Variants in FREM2 observed in about 807,000 individuals in gnomAD.
The protein encoded by FREM2 is FRAS1-related extracellular matrix protein 2.
A neutral mutation model predicts 219.9 loss-of-function variants in FREM2; 119 were observed. The ratio of observed to expected loss-of-function variants is 0.54; its 90% confidence interval spans 0.47 to 0.63. The LOEUF (loss-of-function observed/expected upper bound fraction) is 0.63, where lower values mean the gene tolerates loss of function less well. Among genes scored for constraint, FREM2 ranks in the 30% least tolerant of loss-of-function variants. The pLI is 0.00. For synonymous variants in FREM2, 1,562 were observed against 1,522.8 expected (o/e 1.03, Z -0.60); for missense variants, 4,030 against 3,993.6 (o/e 1.01, Z -0.25).
chr13:38,698,697 G>A (rs920713055), intron 2 of FREM2, among the ~76,000 whole-genome samples: 7 of 152,136 alleles, frequency 4.6e-5, no homozygotes, highest in Admixed American at 2.6e-4. Context: ...TCCTTATGAT[G>A]CTTTTTAAAA....
Position 38,878,334 on chromosome 13 carries a change from A to C in FREM2, c.8859+13A>C, listed in dbSNP as rs771488647. On this transcript the variant is annotated intron_variant, in intron 22 of 23. Coordinates refer to ENST00000280481, the MANE Select transcript of FREM2 (RefSeq NM_207361.6). ...ATTTAAAATTGTGGTAAGTGCTTTGACCCAAAAAATGAGCTAGATAGATTT... is the reference window on the plus strand; with the variant it reads ...ATTTAAAATTGTGGTAAGTGCTTTGCCCCAAAAAATGAGCTAGATAGATTT... 1 of 1,601,444 alleles carries C rather than the reference A, an allele frequency of 6.2e-7. No individual in the cohort carries two copies. Among genetic ancestry groups the C allele is most frequent in the Admixed American group, 1.7e-5 (1 of 58,990 alleles).
chr13:38,764,233 A>G, intron 2 of FREM2, 71 bp from the exon 3 acceptor site: 1 of 1,063,534 alleles, frequency 9.4e-7, no homozygotes, highest in Non-Finnish European at 1.5e-6. Flanking sequence ...TCATTAAAGT[A>G]ATCTGTGGAA....
intron 2 of FREM2, among the ~76,000 whole-genome samples, chr13:38,721,338 C>A (rs1228349879): frequency 6.6e-6 from 1 of 152,032 alleles, no homozygotes; most frequent in East Asian, 1.9e-4. Context: ...TAGTAGAGAA[C>A]ATAGGTAGGG....
At position 38,764,392 on chromosome 13, in the gene FREM2, C is replaced by A; in HGVS notation, c.5352C>A (p.Ser1784=). The A allele has an allele frequency of 1.2e-6, 2 of 1,602,092 alleles. No homozygotes were observed. Among genetic ancestry groups the A allele is most frequent in the Non-Finnish European group, 1.7e-6 (2 of 1,169,770 alleles). Reference sequence around the variant, plus strand: ...AATATTACCTGGTCAATGAGGACTCCAAATTTCTAGATGTTGTTCTTAAAC... The same window carrying A: ...AATATTACCTGGTCAATGAGGACTCAAAATTTCTAGATGTTGTTCTTAAAC... ...EKEYYLVNED[S]KFLDVVLKRR... The change falls in exon 3 of 24, where the codon TCC becomes TCA. Residue 1784 remains serine, a synonymous_variant. Coordinates refer to ENST00000280481, the MANE Select transcript of FREM2 (RefSeq NM_207361.6).
chr13:38,839,381 G>A (rs1876851161), intron 6 of FREM2, among the ~76,000 whole-genome samples: 1 of 152,190 alleles, frequency 6.6e-6, no homozygotes, highest in Non-Finnish European at 1.5e-5. Flanking sequence ...GAGCTCTCCA[G>A]TATGAGGTGT....
chr13:38,749,539 G>C (rs546169169), intron 2 of FREM2, among the ~76,000 whole-genome samples: 4 of 152,160 alleles, frequency 2.6e-5, no homozygotes, highest in African/African-American at 9.7e-5. Context: ...CTCAACCCCA[G>C]TGCTATTGAC....
At chr13:38,852,704 CT>C (rs369947598) in intron 11 of FREM2, among the ~76,000 whole-genome samples, 382 of 131,370 alleles carry the variant, frequency 2.9e-3, no homozygotes, top group African/African-American at 6.8e-3. Flanking sequence ...ATGTCACCAT[CT>C]TTTTTTTTTT....
Position 38,880,723 on chromosome 13 carries a change from G to A in FREM2, c.9446G>A (p.Gly3149Asp), listed in dbSNP as rs751751125. 9 of 1,614,072 alleles carry A rather than the reference G, an allele frequency of 5.6e-6. No homozygotes were observed. The South Asian group carries it at 7.7e-5, about 14-fold the overall frequency. Residue 3149 changes from glycine (G) to aspartate (D), a missense_variant, in exon 24 of 24, where the codon GGC (glycine) becomes GAC (aspartate). Gly to Asp is a moderately conservative substitution (Grantham distance 94). Transcript: ENST00000280481. ...ESFRGKDAPK[G>D]SSSSEPMVPP... is the part of the protein sequence containing the mutation. ...TTCAGGGGGAAGGATGCCCCGAAAGGCTCCAGCAGCAGTGAGCCCATGGTG... is the reference window on the plus strand; with the variant it reads ...TTCAGGGGGAAGGATGCCCCGAAAGACTCCAGCAGCAGTGAGCCCATGGTG...
intron 4 of FREM2, among the ~76,000 whole-genome samples, chr13:38,777,079 A>T (rs1873902644): frequency 6.6e-6 from 1 of 151,716 alleles, no homozygotes; most frequent in African/African-American, 2.4e-5. Context: ...TATACTTTAT[A>T]TACTTTTTCA....
At chr13:38,716,343 C>T (rs1870999973) in intron 2 of FREM2, among the ~76,000 whole-genome samples, 1 of 152,150 alleles carries the variant, frequency 6.6e-6, no homozygotes, top group South Asian at 2.1e-4. Flanking sequence ...AAATTCGAAT[C>T]AGCCTGCATC....
rs144928634 is a variant in FREM2 at position 38,701,670 on chromosome 13, T to C, written c.5263+3883T>C. On this transcript the variant is annotated intron_variant, in intron 2 of 23. Coordinates refer to ENST00000280481, the MANE Select transcript of FREM2 (RefSeq NM_207361.6). ...CTTTATTGTGATGTGAAAGCTGGTC[T>C]CAAATAACTATTCCAGGCATGCCCC... is the stretch of plus-strand genomic sequence containing the variant. Among the ~76,000 whole-genome samples, 825 of 152,188 alleles carry C rather than the reference T, an allele frequency of 5.4e-3. 16 individuals are homozygous for C. The highest frequency in any genetic ancestry group is 0.019 in the African/African-American group (779 of 41,534).
intron 4 of FREM2, 89 bp from the exon 5 acceptor site, chr13:38,782,981 A>G: frequency 6.8e-7 from 1 of 1,474,974 alleles, no homozygotes; most frequent in Non-Finnish European, 9.5e-7. Context: ...GGAAAAATCA[A>G]TCATTAGAGA....
At chr13:38,800,536 C>A (rs555224939) in intron 6 of FREM2, among the ~76,000 whole-genome samples, 1 of 152,056 alleles carries the variant, frequency 6.6e-6, no homozygotes, top group Non-Finnish European at 1.5e-5. Flanking sequence ...GTGGAGAAGA[C>A]CTTTCTGAGT....
rs1869618629 is a variant in FREM2 at position 38,688,550 on chromosome 13, T to A, written c.1206T>A (p.Ser402=). The stretch of plus-strand genomic sequence containing the variant: ...CCTACCAGCCCCCTTCTGAAGACTC[T>A]GACCAGGAGCGCCTCTTTGAACTGG... ...KIAYQPPSED[S]DQERLFELEL... The change falls in exon 1 of 24, where the codon TCT becomes TCA. Residue 402 remains serine (S), a synonymous_variant. Coordinates refer to ENST00000280481, the MANE Select transcript of FREM2 (RefSeq NM_207361.6). The A allele has an allele frequency of 6.2e-7, 1 of 1,613,540 alleles. No homozygotes were observed. The highest frequency in any genetic ancestry group is 8.5e-7 in the Non-Finnish European group (1 of 1,179,748).
chr13:38,709,848 T>G (rs1163846285), intron 2 of FREM2, among the ~76,000 whole-genome samples: 2 of 152,030 alleles, frequency 1.3e-5, no homozygotes, highest in South Asian at 4.1e-4. Flanking sequence ...AAAATTGCTC[T>G]TAACATCAGT....
chr13:38,840,357 C>A (rs1037511795), intron 6 of FREM2, among the ~76,000 whole-genome samples: 1 of 151,212 alleles, frequency 6.6e-6, no homozygotes, highest in African/African-American at 2.4e-5. Context: ...CTGCCTTCTG[C>A]GTTGGCCTTG....
At chr13:38,849,141 G>T (rs141595755) in intron 8 of FREM2, among the ~76,000 whole-genome samples, 2 of 152,128 alleles carry the variant, frequency 1.3e-5, no homozygotes, top group Non-Finnish European at 2.9e-5. Flanking sequence ...TTCAACATAT[G>T]AATTTGAGAG....
chr13:38,866,324 G>A (rs766582217), intron 16 of FREM2, among the ~76,000 whole-genome samples: 14 of 151,672 alleles, frequency 9.2e-5, no homozygotes, highest in Non-Finnish European at 1.8e-4. Context: ...GAGAAACCCC[G>A]TCTCTACTAA....
chr13:38,801,142 T>C (rs1874992083), intron 6 of FREM2, among the ~76,000 whole-genome samples: 1 of 152,256 alleles, frequency 6.6e-6, no homozygotes, highest in Admixed American at 6.5e-5. Context: ...CTTGTGAATG[T>C]ATTTTGTATT....
Sources: allele counts gnomAD v4.1 joint callset (sites outside exome capture counted in the v4.1 genomes callset), GRCh38; gene constraint gnomAD v4.1.1; transcripts MANE v1.5; gene names NCBI Gene and HGNC (gene_info 2026-07-23, HGNC 2026-07-21).